Variants in LDB3 observed in about 807,000 individuals in gnomAD.
LDB3 encodes the protein LIM domain-binding protein 3.
Under a neutral mutation model 69.0 loss-of-function variants are expected in LDB3, and 49 were observed. The observed-to-expected ratio is 0.71, with a 90% confidence interval of 0.56 to 0.90. The LOEUF is 0.90. LDB3 is among the 40% of genes least tolerant of loss of function. The probability of loss-of-function intolerance (pLI) is 0.00; values close to 1 mark genes in which losing one functional copy is unlikely to be tolerated. For missense variants in LDB3, 928 were observed against 974.1 expected, an observed-to-expected ratio of 0.95 and a Z score of 0.63; for synonymous variants, 387 against 396.2, an observed-to-expected ratio of 0.98 and a Z score of 0.28.
intron 2 of LDB3, among the ~76,000 whole-genome samples, chr10:86,675,649 C>T (rs1844755213): frequency 6.6e-6 from 1 of 152,202 alleles, no homozygotes; most frequent in Admixed American, 6.5e-5. Context: ...CAAAATTCGC[C>T]CTGGAAAGAA....
At chr10:86,721,612 G>C (rs1298677316) in intron 12 of LDB3, among the ~76,000 whole-genome samples, 1 of 152,158 alleles carries the variant, frequency 6.6e-6, no homozygotes, top group Admixed American at 6.5e-5. Flanking sequence ...ACCCTACCCA[G>C]GTGTTTCAGT....
Position 86,699,761 on chromosome 10 carries a change from C to T in LDB3, c.897-6770C>T, listed in dbSNP as rs1846176861. Reference sequence around the variant, plus strand: ...TTTCCCACCATCCTCAGCTCCTGGCCTCATCCCCTCCTAGAATGAGTCACC... The same window carrying T: ...TTTCCCACCATCCTCAGCTCCTGGCTTCATCCCCTCCTAGAATGAGTCACC... On this transcript the variant is annotated intron_variant, in intron 7 of 13. Coordinates refer to ENST00000361373, the MANE Select transcript of LDB3 (RefSeq NM_007078.3). This position sits in a 1 kb window ranked among gnomAD's most constrained non-coding sequence, Gnocchi z 4.9. The T allele has an allele frequency of 9.1e-7, 1 of 1,100,332 alleles. No individual in the cohort carries two copies. The highest frequency in any genetic ancestry group is 4.4e-5 in the Admixed American group (1 of 22,908). The allele number at this position is 1,100,332 out of a possible 1,614,324, so 68.2% of individuals were successfully genotyped here. A position where few individuals can be genotyped will look rare whatever the true frequency, so the allele number is the denominator to read the frequency against.
In LDB3 at chr10:86,681,598, G is replaced by A; in HGVS notation, c.484G>A (p.Gly162Ser). The A allele has an allele frequency of 6.2e-7, 1 of 1,613,008 alleles. No individual in the cohort carries two copies. The highest frequency in any genetic ancestry group is 1.1e-5 in the South Asian group (1 of 91,070). The change falls in exon 5 of 14, where the codon GGC (glycine) becomes AGC (serine). Residue 162 changes from glycine to serine, a missense_variant. Gly to Ser is a moderately conservative substitution (Grantham distance 56). Coordinates refer to ENST00000361373, the MANE Select transcript of LDB3 (RefSeq NM_007078.3). ...FSSLAEASDP[G>S]PPRASLRAKT... ...CTCACTCGCCGAGGCCTCTGACCCT[G>A]GCCCTCCGCGGGCCAGCCTGAGGGC...
At chr10:86,698,163 G>C (rs1846090578) in intron 7 of LDB3, among the ~76,000 whole-genome samples, 1 of 152,168 alleles carries the variant, frequency 6.6e-6, no homozygotes, top group South Asian at 2.1e-4. Flanking sequence ...TCCTTTTCAA[G>C]AATGTTATAT....
intron 5 of LDB3, among the ~76,000 whole-genome samples, chr10:86,688,746 G>A (rs1310898943): frequency 6.6e-6 from 1 of 152,170 alleles, no homozygotes. Flanking sequence ...GCTCTTAAAA[G>A]TAGTAGCAAT....
At chr10:86,711,996 C>A (rs1180826685) in intron 9 of LDB3, among the ~76,000 whole-genome samples, 1 of 152,146 alleles carries the variant, frequency 6.6e-6, no homozygotes, top group South Asian at 2.1e-4. Context: ...AATTCCGTCA[C>A]GCAAAAATAG....
intron 12 of LDB3, among the ~76,000 whole-genome samples, chr10:86,719,442 G>C (rs572844629): frequency 3.2e-4 from 48 of 152,184 alleles, no homozygotes; most frequent in Non-Finnish European, 5.6e-4. Context: ...TGACCACTGG[G>C]AAACCTTTCA....
At chr10:86,691,615 T>C (rs1188774604) in intron 5 of LDB3, among the ~76,000 whole-genome samples, 1 of 151,898 alleles carries the variant, frequency 6.6e-6, no homozygotes, top group Non-Finnish European at 1.5e-5. Flanking sequence ...GGGGTGGAAA[T>C]GTCTCCGGCC....
chr10:86,726,167 A>G lies in LDB3; in HGVS notation c.2009A>G (p.His670Arg), dbSNP rs925120006. ...ATCAATCTGTTCAGCACCAAGTGCC[A>G]TGGCTGCGATTTCCCCGTGGAGGCT... ...DYINLFSTKC[H>R]GCDFPVEAGD... Residue 670 changes from histidine (H) to arginine (R), a missense_variant, in exon 13 of 14, where the codon CAT becomes CGT. His to Arg is a conservative substitution (Grantham distance 29, BLOSUM62 0). Coordinates refer to ENST00000361373, the MANE Select transcript of LDB3 (RefSeq NM_007078.3). 1.9e-6 allele frequency: 3 copies of G among 1,614,020 alleles called. No homozygotes were observed. The highest frequency in any genetic ancestry group is 2.5e-6 in the Non-Finnish European group (3 of 1,180,020).
At chr10:86,687,423 C>G (rs1445608719) in intron 5 of LDB3, 2 of 763,070 alleles carry the variant, frequency 2.6e-6, no homozygotes, top group African/African-American at 3.4e-5. Context: ...CCAGGGCCTT[C>G]TGGAACGTGG....
chr10:86,688,896 T>C (rs1005389153), intron 5 of LDB3, among the ~76,000 whole-genome samples: 1 of 152,158 alleles, frequency 6.6e-6, no homozygotes, highest in Admixed American at 6.5e-5. Context: ...CACTGTTGAT[T>C]AATCGAGACT....
rs1397447644 is a variant in LDB3 at position 86,699,805 on chromosome 10, G to T, written c.897-6726G>T. On this transcript the variant is annotated intron_variant, in intron 7 of 13. Transcript: ENST00000361373. The surrounding 1 kb of genome is among the most constrained non-coding windows in gnomAD (Gnocchi z 4.9). ...AGTCACCCGTAGATCAGGGTCTGGGGAAGAGGCTGATCCCTGGCGCTGCCC... is the reference window on the plus strand; with the variant it reads ...AGTCACCCGTAGATCAGGGTCTGGGTAAGAGGCTGATCCCTGGCGCTGCCC... 3.9e-6 allele frequency: 4 copies of T among 1,036,772 alleles called. No individual in the cohort carries two copies. Among genetic ancestry groups the T allele is most frequent in the Non-Finnish European group, 4.6e-6 (4 of 860,866 alleles). 64.2% of individuals were successfully genotyped at this position (1,036,772 alleles called of 1,614,324 possible).
At chr10:86,670,029 CT>C (rs67549220) in intron 2 of LDB3, among the ~76,000 whole-genome samples, 30 of 92,286 alleles carry the variant, frequency 3.3e-4, no homozygotes, top group Admixed American at 1.9e-3. Context: ...GAGGAGTAAT[CT>C]TTTTTTTGTT....
intron 5 of LDB3, chr10:86,685,564 T>C: frequency 2.9e-6 from 3 of 1,037,290 alleles, no homozygotes; most frequent in East Asian, 4.7e-5. Flanking sequence ...CCATTGCGGT[T>C]TGGGCTGGTT....
intron 7 of LDB3, among the ~76,000 whole-genome samples, chr10:86,703,540 G>A (rs752403590): frequency 5.3e-5 from 8 of 152,204 alleles, no homozygotes; most frequent in Non-Finnish European, 8.8e-5. Flanking sequence ...AGCTTCCCAC[G>A]CAGTTATGGA....
chr10:86,705,999 C>A (rs768388250), intron 7 of LDB3, among the ~76,000 whole-genome samples: 1 of 152,168 alleles, frequency 6.6e-6, no homozygotes, highest in Non-Finnish European at 1.5e-5. Context: ...AGCTTTCAGC[C>A]ATCTGTCTTG....
In LDB3 at chr10:86,699,603, G is replaced by A. The variant is rs958790788; in HGVS notation, c.897-6928G>A. On this transcript the variant is annotated intron_variant, in intron 7 of 13. Transcript: ENST00000361373. The surrounding 1 kb of genome is among the most constrained non-coding windows in gnomAD (Gnocchi z 4.9). ...ACCAAACCTCCCCAGGGCAACCCTC[G>A]CCACCCCCCAAATAGCCCGTAGCCC... is the stretch of plus-strand genomic sequence containing the variant. 26 of 1,396,226 alleles carry A rather than the reference G, an allele frequency of 1.9e-5. No homozygotes were observed. The African/African-American group carries it at 2.2e-4, about 12-fold the overall frequency. The allele number at this position is 1,396,226 out of a possible 1,614,324, so 86.5% of individuals were successfully genotyped here. A position where few individuals can be genotyped will look rare whatever the true frequency, so the allele number is the denominator to read the frequency against.
intron 3 of LDB3, 29 bp downstream of exon 3, chr10:86,679,547 C>T (rs762125830): frequency 3.0e-5 from 49 of 1,612,228 alleles, no homozygotes; most frequent in East Asian, 1.3e-4. Flanking sequence ...GAGCAGGGGG[C>T]GGAGGTTTGG....
chr10:86,732,959 C>A lies in LDB3; in HGVS notation c.2167C>A (p.His723Asn). 6.2e-7 allele frequency: 1 copy of A among 1,613,712 alleles called. No individual in the cohort carries two copies. The highest frequency in any genetic ancestry group is 1.1e-5 in the South Asian group (1 of 90,994). Residue 723 changes from histidine (H) to asparagine (N), a missense_variant, in exon 14 of 14, where the codon CAC becomes AAC. Transcript: ENST00000361373. ...CAGACCCCTGTGCAAGAAGCACGCACACACCATCAACTTGTAGGCGGCCAA... is the reference window on the plus strand; with the variant it reads ...CAGACCCCTGTGCAAGAAGCACGCAAACACCATCAACTTGTAGGCGGCCAA... ...KDRPLCKKHA[H>N]TINL
Sources: gnomAD v4.1 joint callset for allele counts (sites outside exome capture counted in the v4.1 genomes callset) on GRCh38, gnomAD v4.1.1 for gene constraint, Gnocchi (gnomAD v3.1) non-coding constraint, MANE v1.5 for transcripts, NCBI Gene and HGNC (gene_info 2026-07-23, HGNC 2026-07-21) for gene names.